The following OSBPL1A variants were observed in gnomAD, a reference collection of about 807,000 sequenced individuals.
The protein encoded by OSBPL1A is oxysterol-binding protein-related protein 1.
Under a neutral mutation model 137.1 loss-of-function variants are expected in OSBPL1A, and 80 were observed. That is an observed-to-expected ratio of 0.58 (90% CI 0.49 to 0.70). The LOEUF (loss-of-function observed/expected upper bound fraction) is 0.70. OSBPL1A is among the 30% of genes least tolerant of loss of function. The pLI, the probability that OSBPL1A is intolerant of heterozygous loss-of-function variation, is 0.00. For synonymous variants in OSBPL1A, 365 were observed against 389.7 expected (o/e 0.94, Z 0.75); for missense variants, 970 against 1,129.4 (o/e 0.86, Z 2.02).
intron 16 of OSBPL1A, among the ~76,000 whole-genome samples, chr18:24,228,692 G>T (rs574622450): frequency 6.6e-6 from 1 of 152,296 alleles, no homozygotes; most frequent in East Asian, 1.9e-4. Flanking sequence ...GTTGTATCAG[G>T]AAAGAACTGT....
At chr18:24,168,200 A>C (rs1431830143) in intron 24 of OSBPL1A, among the ~76,000 whole-genome samples, 1 of 152,160 alleles carries the variant, frequency 6.6e-6, no homozygotes, top group Non-Finnish European at 1.5e-5. Flanking sequence ...TCCTGGGTTC[A>C]AGCAATCCTC....
chr18:24,201,328 G>T (rs754254817), intron 17 of OSBPL1A, among the ~76,000 whole-genome samples: 23 of 152,176 alleles, frequency 1.5e-4, no homozygotes, highest in Non-Finnish European at 3.4e-4. Context: ...CAGCATTGTA[G>T]GCAGACCCCA....
intron 14 of OSBPL1A, among the ~76,000 whole-genome samples, chr18:24,299,351 A>G (rs779248401): frequency 6.6e-6 from 1 of 152,056 alleles, no homozygotes; most frequent in Non-Finnish European, 1.5e-5. Context: ...GCTTCCAACC[A>G]GTTCTATTTT....
intron 4 of OSBPL1A, among the ~76,000 whole-genome samples, chr18:24,363,202 T>TG (rs1254245583): frequency 6.6e-6 from 1 of 152,118 alleles, no homozygotes; most frequent in African/African-American, 2.4e-5. Flanking sequence ...CAGAAAGAAA[T>TG]GTGTTACCTC....
chr18:24,163,050 G>A lies in OSBPL1A; in HGVS notation c.*129C>T. ...ATACCCTGCTTTTGTTGGGTGAAAT[G>A]CAGTTATCTCATGAGTGTTTTTTCA... On this transcript the variant is annotated 3_prime_UTR_variant, in exon 28 of 28. Transcript: ENST00000319481. 1.6e-6 allele frequency: 1 copy of A among 633,846 alleles called. No homozygotes were observed. The allele number at this position is 633,846 out of a possible 1,614,324, so 39.3% of individuals were successfully genotyped here. A position where few individuals can be genotyped will look rare whatever the true frequency, so the allele number is the denominator to read the frequency against.
At chr18:24,215,734 A>G (rs1014404060) in intron 17 of OSBPL1A, among the ~76,000 whole-genome samples, 1 of 152,202 alleles carries the variant, frequency 6.6e-6, no homozygotes, top group Non-Finnish European at 1.5e-5. Context: ...ACCAGAAGTC[A>G]AGATACCCAA....
intron 4 of OSBPL1A, among the ~76,000 whole-genome samples, chr18:24,352,300 T>G (rs888995499): frequency 3.3e-5 from 5 of 151,582 alleles, no homozygotes; most frequent in African/African-American, 1.2e-4. Flanking sequence ...AGACCCTGTC[T>G]CAAAAACAAA....
intron 16 of OSBPL1A, among the ~76,000 whole-genome samples, chr18:24,233,933 G>A (rs1169470574): frequency 6.6e-6 from 1 of 152,182 alleles, no homozygotes; most frequent in Non-Finnish European, 1.5e-5. Context: ...AATTACAGGT[G>A]TGAGCCTCTG....
intron 7 of OSBPL1A, 70 bp downstream of exon 7, chr18:24,332,872 A>G (rs1483290045): frequency 2.2e-5 from 35 of 1,562,288 alleles, no homozygotes; most frequent in Non-Finnish European, 3.0e-5. Context: ...AAACAAAACA[A>G]TTTTATATGG....
intron 4 of OSBPL1A, chr18:24,347,841 G>GAAAAAAAAAAAAAA (rs34599277): frequency 1.8e-5 from 1 of 55,744 alleles, no homozygotes; most frequent in Non-Finnish European, 3.2e-5. Context: ...CACTCCATCT[G>GAAAAAAAAAAAAAA]AAAAAAAAAA....
At chr18:24,221,823 T>C (rs2087903045) in intron 17 of OSBPL1A, among the ~76,000 whole-genome samples, 1 of 152,176 alleles carries the variant, frequency 6.6e-6, no homozygotes, top group African/African-American at 2.4e-5. Flanking sequence ...TCCCAAGACT[T>C]ATTCCTAGGT....
chr18:24,390,056 G>A (rs1907214752), intron 1 of OSBPL1A, among the ~76,000 whole-genome samples: 1 of 152,148 alleles, frequency 6.6e-6, no homozygotes, highest in South Asian at 2.1e-4. Context: ...GCCAGAAACT[G>A]AAAATATTTA....
At chr18:24,255,806 G>T (rs970171280) in intron 15 of OSBPL1A, among the ~76,000 whole-genome samples, 3 of 150,468 alleles carry the variant, frequency 2.0e-5, no homozygotes, top group African/African-American at 7.3e-5. Context: ...GCCCAGGCTG[G>T]AGTGCAGTGG....
At chr18:24,293,877 A>G (rs567286280) in intron 14 of OSBPL1A, among the ~76,000 whole-genome samples, 8 of 152,268 alleles carry the variant, frequency 5.3e-5, no homozygotes, top group Non-Finnish European at 1.0e-4. Flanking sequence ...CAGAAGCTGT[A>G]GGGGGAAGGG....
rs552226692 is a variant in OSBPL1A at position 24,381,482 on chromosome 18, A to C, written c.-2-3947T>G. On this transcript the variant is annotated intron_variant, in intron 1 of 27. Transcript: ENST00000319481. The stretch of plus-strand genomic sequence containing the variant: ...AAGTAAAGAATCTCTGTCATGACTC[A>C]GAATCTTATTTTCAGAGTAAATTTC... Among the ~76,000 whole-genome samples the C allele has an allele frequency of 1.2e-4, 18 of 152,350 alleles. No homozygotes were observed. The South Asian group carries it at 1.2e-3, about 11-fold the overall frequency.
chr18:24,337,369 A>ATAACGT, intron 5 of OSBPL1A, among the ~76,000 whole-genome samples: 2 of 144,470 alleles, frequency 1.4e-5, no homozygotes, highest in Non-Finnish European at 3.0e-5. Flanking sequence ...TAATATAAAC[A>ATAACGT]TAACATTAAC....
chr18:24,214,783 C>G (rs910223296), intron 17 of OSBPL1A, among the ~76,000 whole-genome samples: 2 of 152,178 alleles, frequency 1.3e-5, no homozygotes, highest in Admixed American at 6.5e-5. Context: ...TACTTCACAA[C>G]AAGAGAAGAC....
intron 15 of OSBPL1A, among the ~76,000 whole-genome samples, chr18:24,239,624 C>T (rs2088617040): frequency 6.6e-6 from 1 of 152,072 alleles, no homozygotes. Flanking sequence ...CAAATAAATT[C>T]AGCTCAAATG....
chr18:24,259,148 C>A (rs2089374676), intron 15 of OSBPL1A, among the ~76,000 whole-genome samples: 1 of 151,918 alleles, frequency 6.6e-6, no homozygotes, highest in South Asian at 2.1e-4. Context: ...ACCTCGTGAT[C>A]CGCCTGCCTC....
Sources: gnomAD v4.1 joint callset for allele counts (sites outside exome capture counted in the v4.1 genomes callset) on GRCh38, gnomAD v4.1.1 for gene constraint, MANE v1.5 for transcripts, NCBI Gene and HGNC (gene_info 2026-07-23, HGNC 2026-07-21) for gene names.